The following PREX2 variants were observed in gnomAD, a reference collection of about 807,000 sequenced individuals.
PREX2 encodes phosphatidylinositol 3,4,5-trisphosphate-dependent Rac exchanger 2 protein.
Under a neutral mutation model 203.2 loss-of-function variants are expected in PREX2, and 107 were observed. That is an observed-to-expected ratio of 0.53 (90% confidence interval 0.45 to 0.62). The LOEUF (loss-of-function observed/expected upper bound fraction) is 0.62, where lower values mean the gene tolerates loss of function less well. PREX2 is among the 20% of genes least tolerant of loss of function. The pLI is 0.00. For synonymous variants in PREX2, 672 were observed against 663.6 expected, an observed-to-expected ratio of 1.01 and a Z score of -0.19; for missense variants, 1,777 against 1,955.9, an observed-to-expected ratio of 0.91 and a Z score of 1.72.
In PREX2 at chr8:68,170,861, A is replaced by G. The variant is rs557170945; in HGVS notation, c.4346+13425A>G. Among the ~76,000 whole-genome samples, 3 of 152,238 alleles carry G rather than the reference A, an allele frequency of 2.0e-5. No homozygotes were observed. In the South Asian group the frequency reaches 6.2e-4, roughly 32 times the overall value. On this transcript the variant is annotated intron_variant, in intron 35 of 39. Coordinates refer to ENST00000288368, the MANE Select transcript of PREX2 (RefSeq NM_024870.4). Reference sequence around the variant, plus strand: ...CTTAAAGGTAATATATCTTTACCAAACCCATTCATTTTAATGTATTCTGCT... The same window carrying G: ...CTTAAAGGTAATATATCTTTACCAAGCCCATTCATTTTAATGTATTCTGCT...
chr8:68,149,895 A>G (rs1379466605), intron 34 of PREX2, among the ~76,000 whole-genome samples: 1 of 152,220 alleles, frequency 6.6e-6, no homozygotes, highest in African/African-American at 2.4e-5. Context: ...ATCTTTATTT[A>G]ATTAGACTAA....
chr8:67,999,571 A>G (rs1253339805), intron 1 of PREX2, among the ~76,000 whole-genome samples: 3 of 151,990 alleles, frequency 2.0e-5, no homozygotes, highest in Middle Eastern at 3.4e-3. Flanking sequence ...TACTGAAACT[A>G]TTCCAAAAAA....
At chr8:68,038,570 A>G (rs1808102348) in intron 7 of PREX2, among the ~76,000 whole-genome samples, 1 of 152,116 alleles carries the variant, frequency 6.6e-6, no homozygotes, top group Admixed American at 6.6e-5. Flanking sequence ...TTCCTAACCC[A>G]CATATCTCAG....
chr8:68,213,044 C>A (rs1812771128), intron 37 of PREX2, among the ~76,000 whole-genome samples: 1 of 152,132 alleles, frequency 6.6e-6, no homozygotes, highest in South Asian at 2.1e-4. Context: ...TCTTTTCCAG[C>A]ATTGGATGAC....
At chr8:68,174,466 C>G (rs754145854) in intron 35 of PREX2, among the ~76,000 whole-genome samples, 13 of 152,142 alleles carry the variant, frequency 8.5e-5, no homozygotes, top group Non-Finnish European at 1.6e-4. Context: ...AGAATCAACA[C>G]ATTTTGGCTT....
intron 30 of PREX2, among the ~76,000 whole-genome samples, chr8:68,123,641 C>T (rs1050428721): frequency 1.3e-5 from 2 of 151,794 alleles, no homozygotes; most frequent in African/African-American, 4.8e-5. Flanking sequence ...CCTCTATGCA[C>T]ATAAACTACA....
intron 10 of PREX2, 61 bp downstream of exon 10, chr8:68,056,035 C>T (rs1808668906): frequency 6.7e-7 from 1 of 1,483,432 alleles, no homozygotes; most frequent in African/African-American, 1.4e-5. Flanking sequence ...CACCTGTTAA[C>T]TTTCCTTCAA....
At position 67,971,640 on chromosome 8, in the gene PREX2, A is replaced by G. The variant is rs78495272; in HGVS notation, c.141+19105A>G. Among the ~76,000 whole-genome samples, 1,475 of 152,354 alleles carry G rather than the reference A, an allele frequency of 9.7e-3. 9 individuals carry two copies. Among genetic ancestry groups the G allele is most frequent in the Middle Eastern group, 0.017 (5 of 294 alleles). ...AAACTAAGAAGTAACTCAACATCGA[A>G]GAGGAAACTAAAAAGAAATGAAATT... On this transcript the variant is annotated intron_variant, in intron 1 of 39. Coordinates refer to ENST00000288368, the MANE Select transcript of PREX2 (RefSeq NM_024870.4).
intron 34 of PREX2, among the ~76,000 whole-genome samples, chr8:68,156,240 G>GT (rs1231635305): frequency 6.6e-5 from 10 of 151,900 alleles, no homozygotes; most frequent in Admixed American, 2.0e-4. Context: ...TTTTAACTTT[G>GT]TTTTTTTAGA....
Position 68,204,777 on chromosome 8 carries a change from C to T in PREX2, c.4604+12252C>T, listed in dbSNP as rs1016271676. The stretch of plus-strand genomic sequence containing the variant: ...TCGGCTCACTGCAAGCTCCGTCTCC[C>T]GGGTTTACACCATTCTGCCTCAGCC... On this transcript the variant is annotated intron_variant, in intron 37 of 39. Transcript: ENST00000288368. Among the ~76,000 whole-genome samples, 7 of 150,322 alleles carry T rather than the reference C, an allele frequency of 4.7e-5. No individual in the cohort carries two copies. The East Asian group carries it at 7.9e-4, about 17-fold the overall frequency.
chr8:67,978,003 G>C (rs951605872), intron 1 of PREX2, among the ~76,000 whole-genome samples: 3 of 152,138 alleles, frequency 2.0e-5, no homozygotes, highest in Non-Finnish European at 2.9e-5. Context: ...TCATACCCAA[G>C]GAAGGGTGAG....
intron 3 of PREX2, among the ~76,000 whole-genome samples, chr8:68,020,578 G>A (rs1326610695): frequency 6.6e-6 from 1 of 152,096 alleles, no homozygotes; most frequent in Non-Finnish European, 1.5e-5. Context: ...CAGACTCTGT[G>A]TTCTTTTTAT....
At chr8:68,220,585 A>G (rs557792163) in intron 38 of PREX2, among the ~76,000 whole-genome samples, 6 of 152,124 alleles carry the variant, frequency 3.9e-5, no homozygotes, top group Admixed American at 1.3e-4. Context: ...GACACATCCA[A>G]AGGAAAATCA....
chr8:67,996,449 C>T (rs1243048731), intron 1 of PREX2, among the ~76,000 whole-genome samples: 1 of 151,962 alleles, frequency 6.6e-6, no homozygotes, highest in African/African-American at 2.4e-5. Flanking sequence ...CTGCCTTGGC[C>T]CCTCAAAGTG....
chr8:68,100,199 T>A, intron 23 of PREX2: 1 of 462,292 alleles, frequency 2.2e-6, no homozygotes, highest in East Asian at 6.7e-5. Flanking sequence ...TTCTCCCAAC[T>A]AAGAGAATGA....
chr8:68,208,925 CA>C (rs1350251070), intron 37 of PREX2, among the ~76,000 whole-genome samples: 1 of 151,732 alleles, frequency 6.6e-6, no homozygotes, highest in African/African-American at 2.4e-5. Flanking sequence ...CCTATCTCCA[CA>C]AAAAATTTAA....
At chr8:68,019,503 A>C in intron 2 of PREX2, 46 bp from the exon 3 acceptor site, 2 of 1,539,030 alleles carry the variant, frequency 1.3e-6, no homozygotes, top group Non-Finnish European at 1.8e-6. Flanking sequence ...AGACTTAAAA[A>C]AATTGCTTCA....
At chr8:67,966,564 C>T (rs1017062827) in intron 1 of PREX2, among the ~76,000 whole-genome samples, 1 of 152,008 alleles carries the variant, frequency 6.6e-6, no homozygotes, top group African/African-American at 2.4e-5. Flanking sequence ...GAGTTCAAAT[C>T]TAGCCTGGGC....
intron 33 of PREX2, among the ~76,000 whole-genome samples, chr8:68,141,227 C>T (rs1318201454): frequency 1.3e-5 from 2 of 152,148 alleles, no homozygotes; most frequent in Non-Finnish European, 2.9e-5. Context: ...AAATCTGCAT[C>T]AGTTTAGGAG....
Sources: gnomAD v4.1 joint callset for allele counts (sites outside exome capture counted in the v4.1 genomes callset) on GRCh38, gnomAD v4.1.1 for gene constraint, MANE v1.5 for transcripts, NCBI Gene and HGNC (gene_info 2026-07-23, HGNC 2026-07-21) for gene names.